SPNS2: variants seen among roughly 807,000 people sequenced by gnomAD.
SPNS2 encodes the protein sphingosine-1-phosphate transporter SPNS2.
SPNS2 carries 37 observed loss-of-function variants against 57.6 expected under a neutral mutation model. The ratio of observed to expected loss-of-function variants is 0.64; its 90% confidence interval spans 0.49 to 0.85. The LOEUF (loss-of-function observed/expected upper bound fraction) is 0.85. Among genes scored for constraint, SPNS2 ranks in the 40% least tolerant of loss-of-function variants. The pLI is 0.00. For missense variants in SPNS2, 831 were observed against 779.1 expected (o/e 1.07, Z -0.79); for synonymous variants, 440 against 346.9 (o/e 1.27, Z -2.98).
At chr17:4,525,382 C>G (rs1453078398) in intron 3 of SPNS2, among the ~76,000 whole-genome samples, 189 bp downstream of exon 3, 1 of 152,246 alleles carries the variant, frequency 6.6e-6, no homozygotes, top group Non-Finnish European at 1.5e-5. Context: ...CGGCTGGGGC[C>G]TTCCCCACGC....
rs1555538180 is a variant in SPNS2 at position 4,536,439 on chromosome 17, G to GC, written c.1607+13_1607+14insC. The GC allele has an allele frequency of 3.8e-6, 6 of 1,582,928 alleles. No individual in the cohort carries two copies. The South Asian group carries it at 5.5e-5, about 15-fold the overall frequency. ...GGGCTGAGCAGCAGTGAGTGGGGGG[G>GC]AGGGGAGGCCCTGCTGCACCGCCGG... On this transcript the variant is annotated intron_variant, in intron 11 of 12. Coordinates refer to ENST00000329078, the MANE Select transcript of SPNS2 (RefSeq NM_001124758.3).
Position 4,536,187 on chromosome 17 carries a change from G to C in SPNS2, c.1443+13G>C, listed in dbSNP as rs770664644. The C allele has an allele frequency of 1.4e-5, 22 of 1,610,158 alleles. No individual in the cohort carries two copies. The highest frequency in any genetic ancestry group is 1.8e-5 in the Non-Finnish European group (21 of 1,178,840). On this transcript the variant is annotated intron_variant, in intron 10 of 12. Coordinates refer to ENST00000329078, the MANE Select transcript of SPNS2 (RefSeq NM_001124758.3). ...CCTCATTGGCTTTGTGAGTAGCCCC[G>C]GGGTGGGGCTGGCCAGGGCAGGCTG...
chr17:4,533,743 C>CGGATGGAGG (rs1567596170), intron 8 of SPNS2, 45 bp from the exon 9 acceptor site: 1 of 1,604,274 alleles, frequency 6.2e-7, no homozygotes, highest in Non-Finnish European at 8.5e-7. Context: ...GTGGTTGCTG[C>CGGATGGAGG]GGATGGAGGG....
chr17:4,533,480 G>T lies in SPNS2; in HGVS notation c.1278+48G>T, dbSNP rs141491578. 1,992 of 1,533,086 alleles carry T rather than the reference G, an allele frequency of 1.3e-3. 28 individuals are homozygous for T. In the African/African-American group the frequency reaches 0.024, roughly 18 times the overall value. The allele number at this position is 1,533,086 out of a possible 1,614,324, so 95.0% of individuals were successfully genotyped here. A position where few individuals can be genotyped will look rare whatever the true frequency, so the allele number is the denominator to read the frequency against. ...GTGCTGGGGGAGCTGGGCCTGGGCC[G>T]CGGGAGGGTCTGGAACAGGACATTC... On this transcript the variant is annotated intron_variant, in intron 8 of 12. Transcript: ENST00000329078.
At position 4,533,322 on chromosome 17, in the gene SPNS2, C is replaced by G; in HGVS notation, c.1168C>G (p.Leu390Val). Residue 390 changes from leucine to valine, a missense_variant, in exon 8 of 13, where the codon CTG (leucine) becomes GTG (valine). By Grantham distance (32) the Leu-to-Val change is conservative. Around this residue, in one of 2 missense-constraint regions of SPNS2, gnomAD observed 526 missense variants for 400.9 expected, o/e 1.31. Coordinates refer to ENST00000329078, the MANE Select transcript of SPNS2 (RefSeq NM_001124758.3). ...GGCAGGAGCCACGCGCTGGTGCCGC[C>G]TGAAGACCCAGCGGGCCGACCCACT... ...TGAGATRWCR[L>V]KTQRADPLVC... is the part of the protein sequence containing the mutation. 1 of 1,612,108 alleles carries G rather than the reference C, an allele frequency of 6.2e-7. No individual in the cohort carries two copies. Among genetic ancestry groups the G allele is most frequent in the Non-Finnish European group, 8.5e-7 (1 of 1,179,608 alleles).
rs199695378 is a variant in SPNS2 at position 4,539,006 on chromosome 17, G to A, written c.*1558G>A. 4.4e-3 allele frequency: 3,555 copies of A among 815,496 alleles called. 12 individuals carry two copies. The highest frequency in any genetic ancestry group is 6.4e-3 in the Non-Finnish European group (2,865 of 450,076). 50.5% of individuals were successfully genotyped at this position (815,496 alleles called of 1,614,324 possible). ...GAGAGAAGCCAAATATATTCCTCTTGTAAATGAAGAAATAAACCTATTTAA... is the reference window on the plus strand; with the variant it reads ...GAGAGAAGCCAAATATATTCCTCTTATAAATGAAGAAATAAACCTATTTAA... On this transcript the variant is annotated 3_prime_UTR_variant, in exon 13 of 13. Transcript: ENST00000329078.
At chr17:4,533,930 GGGTGAAGGGGCGGGAGAGCT>G in intron 9 of SPNS2, 77 bp downstream of exon 9, 1 of 1,220,054 alleles carries the variant, frequency 8.2e-7, no homozygotes, top group Non-Finnish European at 1.2e-6. Flanking sequence ...TGGGGAGGGC[GGGTGAAGGGGCGGGAGAGCT>G]GGTAGGAAGG....
chr17:4,534,719 G>A (rs548631884), intron 9 of SPNS2, among the ~76,000 whole-genome samples: 99 of 152,248 alleles, frequency 6.5e-4, no homozygotes, highest in Middle Eastern at 6.8e-3. Context: ...CATGGGCTGC[G>A]GTGGTGGTGG....
Position 4,510,445 on chromosome 17 carries a change from C to T in SPNS2, c.371-2802C>T, listed in dbSNP as rs1016590574. 6.6e-6 allele frequency among the ~76,000 whole-genome samples: 1 copy of T among 152,176 alleles called. No individual in the cohort carries two copies. The highest frequency in any genetic ancestry group is 1.5e-5 in the Non-Finnish European group (1 of 68,036). On this transcript the variant is annotated intron_variant, in intron 1 of 12. Coordinates refer to ENST00000329078, the MANE Select transcript of SPNS2 (RefSeq NM_001124758.3). This position sits in a 1 kb window ranked among gnomAD's most constrained non-coding sequence, Gnocchi z 4.4. The stretch of plus-strand genomic sequence containing the variant: ...GTGGTAGGAAGTCAGGGGAAGGCTT[C>T]CTGGAGGCAGAGGCAAATCCTGGAC...
At chr17:4,530,923 A>G (rs1215734314) in intron 4 of SPNS2, 130 bp from the exon 5 acceptor site, 1 of 1,460,996 alleles carries the variant, frequency 6.8e-7, no homozygotes, top group Non-Finnish European at 9.3e-7. Flanking sequence ...GCCTTTGAGA[A>G]TCTCCTGGAC....
At chr17:4,527,274 G>A (rs1905283393) in intron 3 of SPNS2, among the ~76,000 whole-genome samples, 1 of 152,232 alleles carries the variant, frequency 6.6e-6, no homozygotes, top group African/African-American at 2.4e-5. Context: ...AGTGAAAGGG[G>A]ATTTGCCTCT....
chr17:4,536,515 G>A lies in SPNS2; in HGVS notation c.1607+89G>A, dbSNP rs906991268. 3 of 1,467,020 alleles carry A rather than the reference G, an allele frequency of 2.0e-6. No homozygotes were observed. The African/African-American group carries it at 4.1e-5, about 20-fold the overall frequency. The allele number at this position is 1,467,020 out of a possible 1,614,324, so 90.9% of individuals were successfully genotyped here. ...TGAGCCCTGCCCTGGGGTGGGGCGG[G>A]GAGGGTACAGACCTCCCATGCACTC... On this transcript the variant is annotated intron_variant, in intron 11 of 12. Transcript: ENST00000329078.
intron 2 of SPNS2, among the ~76,000 whole-genome samples, chr17:4,520,023 A>G (rs1162990963): frequency 6.6e-6 from 1 of 152,106 alleles, no homozygotes; most frequent in Non-Finnish European, 1.5e-5. Flanking sequence ...CTCCCTCCTG[A>G]CCCTGGACTG....
rs376045258 is a variant in SPNS2, at chr17:4,537,319, C to G, written c.*5-134C>G. The G allele has an allele frequency of 2.6e-3, 1,070 of 414,384 alleles. 1 individual carries two copies. The highest frequency in any genetic ancestry group is 4.1e-3 in the Non-Finnish European group (892 of 216,150). 25.7% of individuals were successfully genotyped at this position (414,384 alleles called of 1,614,324 possible). A position where few individuals can be genotyped will look rare whatever the true frequency, so the allele number is the denominator to read the frequency against. On this transcript the variant is annotated intron_variant, in intron 12 of 12. Coordinates refer to ENST00000329078, the MANE Select transcript of SPNS2 (RefSeq NM_001124758.3). ...TGGGAGTTATAGCTTCCCAGCAGCA[C>G]GAGACCCAGGGTCACAGCTGCAGGT...
intron 2 of SPNS2, among the ~76,000 whole-genome samples, chr17:4,515,367 G>C (rs1036692930): frequency 5.3e-5 from 8 of 152,200 alleles, no homozygotes; most frequent in Non-Finnish European, 1.2e-4. Context: ...GCAGTGGAGA[G>C]CAGCCGGCCT....
Position 4,508,561 on chromosome 17 carries a change from G to A in SPNS2, c.371-4686G>A, listed in dbSNP as rs375253407. 3.9e-5 allele frequency among the ~76,000 whole-genome samples: 6 copies of A among 152,270 alleles called. No individual in the cohort carries two copies. In the South Asian group the frequency reaches 1.2e-3, roughly 32 times the overall value. ...CATTTCCCTTTGCCTGGAGTCAGGG[G>A]CTGTATGTGTGTGCGGTGGGCACTG... On this transcript the variant is annotated intron_variant, in intron 1 of 12. Transcript: ENST00000329078.
intron 1 of SPNS2, among the ~76,000 whole-genome samples, chr17:4,502,058 C>T (rs1171388520): frequency 6.6e-6 from 1 of 152,152 alleles, no homozygotes; most frequent in Non-Finnish European, 1.5e-5. Context: ...ATATATCCAA[C>T]ATATTTCAAC....
chr17:4,502,418 ATGT>A (rs199830172), intron 1 of SPNS2, among the ~76,000 whole-genome samples: 2,770 of 151,942 alleles, frequency 0.018, 81 homozygotes, highest in African/African-American at 0.063. Flanking sequence ...ACACATATGT[ATGT>A]TGTTAATGGG....
At chr17:4,531,192 A>T in intron 5 of SPNS2, 73 bp downstream of exon 5, 9 of 1,475,054 alleles carry the variant, frequency 6.1e-6, no homozygotes, top group Non-Finnish European at 8.5e-6. Flanking sequence ...CAGAGATGTA[A>T]TCCAGGCTAG....
Sources: gnomAD v4.1 joint callset for allele counts (sites outside exome capture counted in the v4.1 genomes callset) on GRCh38, gnomAD v4.1.1 for gene constraint, gnomAD v4.1.1 regional missense constraint, Gnocchi (gnomAD v3.1) non-coding constraint, MANE v1.5 for transcripts, NCBI Gene and HGNC (gene_info 2026-07-23, HGNC 2026-07-21) for gene names.